The following GRM8 variants were observed in gnomAD, a reference collection of about 807,000 sequenced individuals.
GRM8 encodes glutamate metabotropic receptor 8.
Under a neutral mutation model 87.2 loss-of-function variants are expected in GRM8, and 47 were observed. The observed-to-expected ratio is 0.54, with a 90% confidence interval of 0.43 to 0.69. GRM8 has a LOEUF of 0.69. GRM8 is among the 30% of genes least tolerant of loss of function. The pLI, the probability that GRM8 is intolerant of heterozygous loss-of-function variation, is 0.00. For synonymous variants in GRM8, 396 were observed against 404.5 expected (o/e 0.98, Z 0.25); for missense variants, 1,019 against 1,139.2 (o/e 0.89, Z 1.52).
rs189482760 is a variant in GRM8 at position 126,639,544 on chromosome 7, G to A, written c.1358-30046C>T. On this transcript the variant is annotated intron_variant, in intron 7 of 10. Coordinates refer to ENST00000339582, the MANE Select transcript of GRM8 (RefSeq NM_000845.3). ...CATTAGTAGGGGTCATAACAGTGCT[G>A]GAAGCCAGTCTCCAGCAGGACTAGC... Among the ~76,000 whole-genome samples, 158 of 152,198 alleles carry A rather than the reference G, an allele frequency of 1.0e-3. 2 individuals are homozygous for A. Among genetic ancestry groups the A allele is most frequent in the Non-Finnish European group, 4.4e-4 (30 of 67,996 alleles).
chr7:126,680,815 G>A (rs540004010), intron 7 of GRM8, among the ~76,000 whole-genome samples: 1 of 152,176 alleles, frequency 6.6e-6, no homozygotes, highest in Non-Finnish European at 1.5e-5. Context: ...GATACCACTC[G>A]TTCTAATAAA....
At chr7:127,086,670 T>C (rs1252577599) in intron 3 of GRM8, among the ~76,000 whole-genome samples, 1 of 152,250 alleles carries the variant, frequency 6.6e-6, no homozygotes, top group Non-Finnish European at 1.5e-5. Flanking sequence ...CTAGCAATTA[T>C]TTTCTCATCT....
chr7:127,171,379 C>A (rs1563556284), intron 2 of GRM8, among the ~76,000 whole-genome samples: 1 of 152,180 alleles, frequency 6.6e-6, no homozygotes, highest in Non-Finnish European at 1.5e-5. Flanking sequence ...AGGATGGACT[C>A]TAATTTTTGA....
chr7:126,512,045 TAAGA>T (rs1811455116), intron 9 of GRM8: 1 of 151,976 alleles, frequency 6.6e-6, no homozygotes, highest in Admixed American at 6.6e-5. Context: ...AACAAAAAGT[TAAGA>T]AAGGCATTTT....
intron 3 of GRM8, among the ~76,000 whole-genome samples, chr7:126,957,381 T>G (rs1237373047): frequency 6.6e-6 from 1 of 151,996 alleles, no homozygotes; most frequent in African/African-American, 2.4e-5. Context: ...CAGGAATAGG[T>G]GGGAGCCCCA....
intron 9 of GRM8, among the ~76,000 whole-genome samples, chr7:126,522,760 C>A (rs1486500714): frequency 6.6e-6 from 1 of 152,068 alleles, no homozygotes; most frequent in African/African-American, 2.4e-5. Context: ...TTTTTAAATT[C>A]CCACTTCCTT....
chr7:126,499,794 G>C (rs1030220907), intron 9 of GRM8, among the ~76,000 whole-genome samples: 7 of 151,934 alleles, frequency 4.6e-5, no homozygotes, highest in Non-Finnish European at 1.0e-4. Flanking sequence ...CAGAGGCTGG[G>C]GGGAGGTGGG....
At chr7:127,246,585 C>T (rs938137835) in intron 1 of GRM8, among the ~76,000 whole-genome samples, 7 of 152,120 alleles carry the variant, frequency 4.6e-5, no homozygotes, top group African/African-American at 1.7e-4. Flanking sequence ...CTGTGCACTC[C>T]CCCGCCAGCC....
At chr7:126,644,886 T>C (rs1435712955) in intron 7 of GRM8, among the ~76,000 whole-genome samples, 1 of 152,198 alleles carries the variant, frequency 6.6e-6, no homozygotes, top group Non-Finnish European at 1.5e-5. Flanking sequence ...CTGAGTTCTG[T>C]TCAGTCTACA....
rs1209962211 is a variant in GRM8, at chr7:127,046,362, ACT to A, written c.727+60132_727+60133del. On this transcript the variant is annotated intron_variant, in intron 3 of 10. Transcript: ENST00000339582. ...ACTCCAGCCTGGGCAACAGAGCGAGACTCTGTCTCAAAAAAAATAAAAAATAA... is the reference window on the plus strand; with the variant it reads ...ACTCCAGCCTGGGCAACAGAGCGAGACTGTCTCAAAAAAAATAAAAAATAA... 3.3e-5 allele frequency among the ~76,000 whole-genome samples: 5 copies of A among 151,974 alleles called. No individual in the cohort carries two copies. In the East Asian group the frequency reaches 9.7e-4, roughly 29 times the overall value.
At chr7:126,744,951 A>G (rs759779150) in intron 7 of GRM8, among the ~76,000 whole-genome samples, 1 of 141,390 alleles carries the variant, frequency 7.1e-6, no homozygotes, top group African/African-American at 2.6e-5. Flanking sequence ...TATGTTATTT[A>G]TTAACATGTA....
intron 7 of GRM8, among the ~76,000 whole-genome samples, chr7:126,729,276 G>A (rs1813344914): frequency 6.6e-6 from 1 of 152,116 alleles, no homozygotes; most frequent in South Asian, 2.1e-4. Flanking sequence ...GCAATCTGTA[G>A]CCAGAAAATG....
intron 9 of GRM8, among the ~76,000 whole-genome samples, chr7:126,528,721 C>T (rs1814325656): frequency 6.6e-6 from 1 of 151,616 alleles, no homozygotes; most frequent in Non-Finnish European, 1.5e-5. Context: ...TTCTCTAGTT[C>T]GAGAACAGGG....
At chr7:126,843,065 A>G (rs545009297) in intron 6 of GRM8, among the ~76,000 whole-genome samples, 25 of 152,212 alleles carry the variant, frequency 1.6e-4, no homozygotes, top group African/African-American at 6.0e-4. Flanking sequence ...GACTTACAAA[A>G]TATCTTACAA....
chr7:126,633,620 T>C (rs1290447508), intron 7 of GRM8, among the ~76,000 whole-genome samples: 1 of 152,176 alleles, frequency 6.6e-6, no homozygotes, highest in Non-Finnish European at 1.5e-5. Context: ...TAATCTTAAA[T>C]GTTGAAGACC....
At chr7:126,485,667 T>G (rs1374717394) in intron 9 of GRM8, among the ~76,000 whole-genome samples, 2 of 151,968 alleles carry the variant, frequency 1.3e-5, no homozygotes, top group Non-Finnish European at 2.9e-5. Context: ...CTAAAAAATC[T>G]TCAGTGGTTG....
chr7:126,893,602 AATGCTAAGCAT>A (rs1406393682), intron 6 of GRM8, among the ~76,000 whole-genome samples: 2 of 152,010 alleles, frequency 1.3e-5, no homozygotes, highest in African/African-American at 4.8e-5. Flanking sequence ...ACAGATATAT[AATGCTAAGCAT>A]ATGCTAAGTC....
At chr7:127,209,313 C>T (rs773754558) in intron 2 of GRM8, among the ~76,000 whole-genome samples, 5 of 152,192 alleles carry the variant, frequency 3.3e-5, no homozygotes, top group Admixed American at 6.5e-5. Flanking sequence ...CTCATTAACA[C>T]CCCACCACCT....
intron 7 of GRM8, among the ~76,000 whole-genome samples, chr7:126,613,798 A>G (rs1173145458): frequency 6.6e-6 from 1 of 152,212 alleles, no homozygotes; most frequent in African/African-American, 2.4e-5. Context: ...GCAGACTGAG[A>G]TCCAACTGCA....
Sources: allele counts gnomAD v4.1 joint callset (sites outside exome capture counted in the v4.1 genomes callset), GRCh38; gene constraint gnomAD v4.1.1; transcripts MANE v1.5; gene names NCBI Gene and HGNC (gene_info 2026-07-23, HGNC 2026-07-21).